The following PTCHD4 variants were observed in gnomAD, a reference collection of about 807,000 sequenced individuals.
PTCHD4 encodes patched domain-containing protein 4.
A neutral mutation model predicts 58.1 loss-of-function variants in PTCHD4; 33 were observed. The ratio of observed to expected loss-of-function variants is 0.57; its 90% confidence interval spans 0.43 to 0.76. The LOEUF is 0.76. Ranked by LOEUF, PTCHD4 falls within the 30% of genes least tolerant of loss-of-function variation. The pLI, the probability that PTCHD4 is intolerant of heterozygous loss-of-function variation, is 0.00. For synonymous variants in PTCHD4, 478 were observed against 409.6 expected, an observed-to-expected ratio of 1.17 and a Z score of -2.02; for missense variants, 1,058 against 1,027.1, an observed-to-expected ratio of 1.03 and a Z score of -0.41.
intron 4 of PTCHD4, among the ~76,000 whole-genome samples, chr6:47,987,471 C>G (rs1768112356): frequency 6.7e-6 from 1 of 150,272 alleles, no homozygotes; most frequent in African/African-American, 2.4e-5. Context: ...GATGGTGCAG[C>G]TGCTTATGAT....
intron 1 of PTCHD4, among the ~76,000 whole-genome samples, chr6:48,099,419 A>G (rs1465356476): frequency 6.6e-6 from 1 of 152,178 alleles, no homozygotes; most frequent in Non-Finnish European, 1.5e-5. Flanking sequence ...TTTGTCCTCC[A>G]TAAGCTGGGT....
intron 4 of PTCHD4, among the ~76,000 whole-genome samples, chr6:47,962,289 T>C (rs1343964931): frequency 6.6e-6 from 1 of 152,186 alleles, no homozygotes; most frequent in East Asian, 1.9e-4. Context: ...CTGTGCCTAA[T>C]GACTTAGGCA....
rs906840458 is a variant in PTCHD4, at chr6:47,866,772, G to T, written c.*11531C>A. 6.6e-6 allele frequency among the ~76,000 whole-genome samples: 1 copy of T among 151,756 alleles called. No homozygotes were observed. The highest frequency in any genetic ancestry group is 2.4e-5 in the African/African-American group (1 of 41,350). ...ACAAGGGTAATGTATAAATCAGTTA[G>T]GTTTATGCTTAAAAACTAAGTGCAT... On this transcript the variant is annotated 3_prime_UTR_variant, in exon 5 of 5. Transcript: ENST00000339488.
intron 4 of PTCHD4, among the ~76,000 whole-genome samples, chr6:47,991,388 G>A (rs1430919404): frequency 6.6e-6 from 1 of 151,954 alleles, no homozygotes; most frequent in African/African-American, 2.4e-5. Flanking sequence ...TCAATATAAG[G>A]ACCAAAAAGA....
Position 47,878,961 on chromosome 6 carries a change from T to C in PTCHD4, c.1874A>G (p.Lys625Arg). The C allele has an allele frequency of 6.2e-7, 1 of 1,612,986 alleles. No homozygotes were observed. The highest frequency in any genetic ancestry group is 1.1e-5 in the South Asian group (1 of 91,082). Residue 625 changes from lysine to arginine, a missense_variant, in exon 5 of 5, where the codon AAG becomes AGG. Lys to Arg is a conservative substitution (Grantham distance 26, BLOSUM62 2). Transcript: ENST00000339488. Reference sequence around the variant, plus strand: ...CTTTGAGAGGGATAGGGGCCTCAGCTTTTCCAACACTTCTGTGATTTCTTT... The same window carrying C: ...CTTTGAGAGGGATAGGGGCCTCAGCCTTTCCAACACTTCTGTGATTTCTTT... Reference protein sequence around the residue: ...KQKEITEVLEKLRPLSLSKSI... With the variant: ...KQKEITEVLERLRPLSLSKSI...
At chr6:47,935,891 A>T (rs147514328) in intron 4 of PTCHD4, among the ~76,000 whole-genome samples, 3 of 152,334 alleles carry the variant, frequency 2.0e-5, no homozygotes, top group Non-Finnish European at 4.4e-5. Context: ...TAAGGAGGGT[A>T]GAGAGTACCA....
intron 3 of PTCHD4, among the ~76,000 whole-genome samples, chr6:48,052,966 CT>C (rs1446104732): frequency 6.6e-6 from 1 of 152,120 alleles, no homozygotes; most frequent in African/African-American, 2.4e-5. Flanking sequence ...AAGAAGGGCA[CT>C]TGGATGATTA....
At position 47,917,523 on chromosome 6, in the gene PTCHD4, A is replaced by G. The variant is rs1312781494; in HGVS notation, c.899-37587T>C. Among the ~76,000 whole-genome samples, 4 of 152,192 alleles carry G rather than the reference A, an allele frequency of 2.6e-5. No homozygotes were observed. In the East Asian group the frequency reaches 7.7e-4, roughly 29 times the overall value. ...CTGGTCTTGAAATGTTTTCTTTACT[A>G]TTCCTTCTTTAGGTATCCCATAACC... On this transcript the variant is annotated intron_variant, in intron 4 of 4. Coordinates refer to ENST00000339488, the MANE Select transcript of PTCHD4 (RefSeq NM_001384253.1).
At chr6:48,015,025 C>G (rs1226407360) in intron 3 of PTCHD4, among the ~76,000 whole-genome samples, 1 of 152,156 alleles carries the variant, frequency 6.6e-6, no homozygotes, top group Non-Finnish European at 1.5e-5. Context: ...GACTCATACT[C>G]GTATACTGAT....
intron 4 of PTCHD4, among the ~76,000 whole-genome samples, chr6:47,883,750 T>C (rs1764093867): frequency 1.3e-5 from 2 of 152,166 alleles, no homozygotes; most frequent in Admixed American, 6.6e-5. Context: ...TTAGCACCAT[T>C]CCACTACCCA....
Position 47,873,524 on chromosome 6 carries a change from A to G in PTCHD4, c.*4779T>C, listed in dbSNP as rs1044388602. ...TAATTTACTGCTGCTATACCCATACACAGTCCCTCCCCTGCTGGATCTCAT... is the reference window on the plus strand; with the variant it reads ...TAATTTACTGCTGCTATACCCATACGCAGTCCCTCCCCTGCTGGATCTCAT... On this transcript the variant is annotated 3_prime_UTR_variant, in exon 5 of 5. Transcript: ENST00000339488. Among the ~76,000 whole-genome samples the G allele has an allele frequency of 6.6e-6, 1 of 151,730 alleles. No individual in the cohort carries two copies. Among genetic ancestry groups the G allele is most frequent in the South Asian group, 2.1e-4 (1 of 4,828 alleles).
In PTCHD4 at chr6:47,879,215, A is replaced by C. The variant is rs1286035310; in HGVS notation, c.1620T>G (p.Ser540Arg). The stretch of plus-strand genomic sequence containing the variant: ...CCACCCAGGACACTGCAGTGAATCC[A>C]CTACAGAGTCTTCTTAGGTCATCCT... ...SVQDDLRRLCSGFTAVSWVEQ... is the reference protein window; with the variant it reads ...SVQDDLRRLCRGFTAVSWVEQ... The change falls in exon 5 of 5, where the codon AGT (serine) becomes AGG (arginine). Residue 540 changes from serine to arginine, a missense_variant. Physicochemically the swap from Ser to Arg is moderately radical, Grantham distance 110. Transcript: ENST00000339488. 6.2e-7 allele frequency: 1 copy of C among 1,612,948 alleles called. No individual in the cohort carries two copies. The highest frequency in any genetic ancestry group is 1.3e-5 in the African/African-American group (1 of 74,882).
At position 47,878,028 on chromosome 6, in the gene PTCHD4, C is replaced by G; in HGVS notation, c.*275G>C. The G allele has an allele frequency of 3.4e-6, 1 of 290,676 alleles. No homozygotes were observed. Among genetic ancestry groups the G allele is most frequent in the African/African-American group, 2.2e-5 (1 of 45,994 alleles). The allele number at this position is 290,676 out of a possible 1,614,324, so 18.0% of individuals were successfully genotyped here. On this transcript the variant is annotated 3_prime_UTR_variant, in exon 5 of 5. Transcript: ENST00000339488. ...TGGTTATTTTGGCCTTCTATCTTAA[C>G]ACTCCATTGATTCATCCATTCCTTG...
intron 4 of PTCHD4, among the ~76,000 whole-genome samples, chr6:47,984,921 T>C (rs1768005334): frequency 6.6e-6 from 1 of 152,128 alleles, no homozygotes; most frequent in Admixed American, 6.5e-5. Context: ...GACAAACTTT[T>C]ATTTCTTCTA....
chr6:48,000,492 G>A (rs1011230792), intron 4 of PTCHD4, among the ~76,000 whole-genome samples: 7 of 152,190 alleles, frequency 4.6e-5, no homozygotes, highest in Non-Finnish European at 8.8e-5. Context: ...TCAAGTGGGC[G>A]TTTAGAGATT....
rs1228701035 is a variant in PTCHD4, at chr6:48,111,125, T to C, written c.-1046A>G. 6.6e-6 allele frequency among the ~76,000 whole-genome samples: 1 copy of C among 152,068 alleles called. No homozygotes were observed. Among genetic ancestry groups the C allele is most frequent in the East Asian group, 1.9e-4 (1 of 5,178 alleles). ...AGTGAGAGGGGATTTCTTTTATTTC[T>C]TCTCTGCTACTTCTCTGCCATACTG... On this transcript the variant is annotated 5_prime_UTR_variant, in exon 1 of 5. Transcript: ENST00000339488.
At chr6:48,105,959 G>C (rs951492503) in intron 1 of PTCHD4, among the ~76,000 whole-genome samples, 8 of 151,904 alleles carry the variant, frequency 5.3e-5, no homozygotes, top group African/African-American at 1.9e-4. Context: ...CAATAATTAA[G>C]AGCTTACCAA....
intron 4 of PTCHD4, among the ~76,000 whole-genome samples, chr6:47,926,898 C>A (rs886438164): frequency 6.6e-6 from 1 of 152,202 alleles, no homozygotes; most frequent in African/African-American, 2.4e-5. Context: ...ACTGTTTTCT[C>A]ATTGAAATCT....
rs1419334883 is a variant in PTCHD4 at position 47,870,895 on chromosome 6, A to C, written c.*7408T>G. 6.6e-6 allele frequency among the ~76,000 whole-genome samples: 1 copy of C among 151,612 alleles called. No individual in the cohort carries two copies. Among genetic ancestry groups the C allele is most frequent in the African/African-American group, 2.4e-5 (1 of 41,382 alleles). ...GTGATAAATGAGGCTGTTTTCATGAATGGGATGAACCTATATGTAATAGAG... is the reference window on the plus strand; with the variant it reads ...GTGATAAATGAGGCTGTTTTCATGACTGGGATGAACCTATATGTAATAGAG... On this transcript the variant is annotated 3_prime_UTR_variant, in exon 5 of 5. Transcript: ENST00000339488.
Sources: gnomAD v4.1 joint callset for allele counts (sites outside exome capture counted in the v4.1 genomes callset) on GRCh38, gnomAD v4.1.1 for gene constraint, MANE v1.5 for transcripts, NCBI Gene and HGNC (gene_info 2026-07-23, HGNC 2026-07-21) for gene names.